Variants in DENND1A observed in about 807,000 individuals in gnomAD.
DENND1A encodes the protein DENN domain containing 1A.
A neutral mutation model predicts 113.7 loss-of-function variants in DENND1A; 51 were observed. The observed-to-expected ratio is 0.45, with a 90% confidence interval of 0.36 to 0.57. DENND1A has a LOEUF of 0.57. DENND1A is among the 20% of genes least tolerant of loss of function. The probability of loss-of-function intolerance (pLI) is 0.00; values close to 1 mark genes in which losing one functional copy is unlikely to be tolerated. For synonymous variants in DENND1A, 565 were observed against 570.8 expected, an observed-to-expected ratio of 0.99 and a Z score of 0.14; for missense variants, 1,258 against 1,395.9, an observed-to-expected ratio of 0.90 and a Z score of 1.57.
At chr9:123,869,567 GA>G (rs1203357116) in intron 2 of DENND1A, among the ~76,000 whole-genome samples, 4 of 152,144 alleles carry the variant, frequency 2.6e-5, no homozygotes, top group Non-Finnish European at 5.9e-5. Context: ...ACAGTTAGAT[GA>G]ATTTCCACAT....
At chr9:123,665,302 G>T (rs556944296) in intron 8 of DENND1A, among the ~76,000 whole-genome samples, 1 of 152,104 alleles carries the variant, frequency 6.6e-6, no homozygotes, top group African/African-American at 2.4e-5. Flanking sequence ...ATGTAAGCTT[G>T]TTGAGAGAGC....
At chr9:123,401,700 C>T (rs2043476836) in intron 21 of DENND1A, 4 of 1,556,252 alleles carry the variant, frequency 2.6e-6, no homozygotes, top group South Asian at 2.4e-5. Context: ...AAAAGTGATA[C>T]TGACACAGTT....
intron 13 of DENND1A, among the ~76,000 whole-genome samples, chr9:123,485,951 A>G (rs1422837962): frequency 6.6e-6 from 1 of 152,168 alleles, no homozygotes; most frequent in Admixed American, 6.5e-5. Flanking sequence ...TCCCTGGCCC[A>G]TGGGCTCTGT....
intron 21 of DENND1A, among the ~76,000 whole-genome samples, chr9:123,390,773 C>T (rs976393065): frequency 5.9e-5 from 9 of 152,354 alleles, no homozygotes; most frequent in South Asian, 2.1e-4. Context: ...GAGCGGGGCT[C>T]GGAGTAGATG....
chr9:123,502,212 C>T (rs1287160647), intron 13 of DENND1A, among the ~76,000 whole-genome samples: 1 of 151,292 alleles, frequency 6.6e-6, no homozygotes, highest in East Asian at 1.9e-4. Flanking sequence ...TAGTTCTGTC[C>T]CTCTAGAGAA....
chr9:123,887,789 C>T (rs1292710184), intron 1 of DENND1A, among the ~76,000 whole-genome samples: 1 of 151,978 alleles, frequency 6.6e-6, no homozygotes, highest in Non-Finnish European at 1.5e-5. Context: ...GTGAAGGGGC[C>T]GTGTGCCTAA....
intron 2 of DENND1A, among the ~76,000 whole-genome samples, chr9:123,798,725 CAA>C (rs59256751): frequency 0.26 from 18,032 of 69,686 alleles, 1,370 homozygotes; most frequent in African/African-American, 0.41. Context: ...GTGCTGGAGG[CAA>C]AAAAAAAAAA....
intron 5 of DENND1A, among the ~76,000 whole-genome samples, chr9:123,741,471 G>T (rs1448410199): frequency 6.6e-6 from 1 of 152,074 alleles, no homozygotes; most frequent in Non-Finnish European, 1.5e-5. Flanking sequence ...CAAAATTTCA[G>T]GTATTTCAGA....
intron 18 of DENND1A, among the ~76,000 whole-genome samples, chr9:123,448,512 T>A (rs2132599831): frequency 6.6e-6 from 1 of 152,274 alleles, no homozygotes; most frequent in Non-Finnish European, 1.5e-5. Context: ...GAGCCTACGA[T>A]CCAGGCATCA....
At chr9:123,838,994 C>A (rs1458949062) in intron 2 of DENND1A, among the ~76,000 whole-genome samples, 1 of 152,232 alleles carries the variant, frequency 6.6e-6, no homozygotes. Flanking sequence ...TTTTTCCATG[C>A]AGACATGTTT....
intron 23 of DENND1A, among the ~76,000 whole-genome samples, chr9:123,383,406 T>C (rs538674892): frequency 6.6e-6 from 1 of 152,224 alleles, no homozygotes; most frequent in East Asian, 1.9e-4. Context: ...CGCCCCCCCG[T>C]CTGATGCACA....
At chr9:123,522,613 C>A (rs899542952) in intron 13 of DENND1A, among the ~76,000 whole-genome samples, 1 of 152,162 alleles carries the variant, frequency 6.6e-6, no homozygotes, top group East Asian at 1.9e-4. Context: ...CAATCAATGT[C>A]CATACTTCAC....
At chr9:123,628,907 A>G (rs1030487240) in intron 10 of DENND1A, among the ~76,000 whole-genome samples, 3 of 152,204 alleles carry the variant, frequency 2.0e-5, no homozygotes, top group Non-Finnish European at 4.4e-5. Flanking sequence ...CACCTTGATA[A>G]GAAAGACATA....
At chr9:123,439,567 T>A (rs1178705676) in intron 19 of DENND1A, among the ~76,000 whole-genome samples, 1 of 152,250 alleles carries the variant, frequency 6.6e-6, no homozygotes, top group Non-Finnish European at 1.5e-5. Context: ...ATGCATCATC[T>A]AATAAATGGC....
chr9:123,548,144 G>C (rs762088287), intron 13 of DENND1A, among the ~76,000 whole-genome samples: 2 of 152,140 alleles, frequency 1.3e-5, no homozygotes, highest in Non-Finnish European at 2.9e-5. Flanking sequence ...TAGCCACTTA[G>C]AGCCACAGAG....
chr9:123,667,312 G>C (rs1295146564), intron 7 of DENND1A, among the ~76,000 whole-genome samples: 2 of 152,128 alleles, frequency 1.3e-5, no homozygotes, highest in Non-Finnish European at 2.9e-5. Flanking sequence ...ACTTCTTTAG[G>C]AGATATAAAT....
rs550013598 is a variant in DENND1A, at chr9:123,724,685, CA to C, written c.302+33017del. ...CTCTTCAAGGCTGTGCCACAGAAGC[CA>C]AACCATAACCTCTCTGAGCACAGGT... On this transcript the variant is annotated intron_variant, in intron 5 of 23. Transcript: ENST00000394215. Among the ~76,000 whole-genome samples the C allele has an allele frequency of 7.1e-3, 1,085 of 152,242 alleles. 15 individuals are homozygous for C. Among genetic ancestry groups the C allele is most frequent in the African/African-American group, 0.025 (1,037 of 41,544 alleles).
chr9:123,912,009 T>C (rs980359326), intron 1 of DENND1A, among the ~76,000 whole-genome samples: 7 of 152,066 alleles, frequency 4.6e-5, no homozygotes, highest in African/African-American at 1.7e-4. Flanking sequence ...TATTTTTAAA[T>C]AGGTATTGAC....
At chr9:123,400,100 T>A (rs1246439878) in intron 21 of DENND1A, 3 of 152,244 alleles carry the variant, frequency 2.0e-5, no homozygotes, top group Non-Finnish European at 4.4e-5. Context: ...AGCCAGTACT[T>A]CTTGAAGAGA....
Sources: gnomAD v4.1 joint callset for allele counts (sites outside exome capture counted in the v4.1 genomes callset) on GRCh38, gnomAD v4.1.1 for gene constraint, MANE v1.5 for transcripts, NCBI Gene and HGNC (gene_info 2026-07-23, HGNC 2026-07-21) for gene names.